The following STAT4 variants were observed in gnomAD, a reference collection of about 807,000 sequenced individuals.
STAT4 encodes signal transducer and activator of transcription 4.
In STAT4, 42 loss-of-function variants were observed where a neutral mutation model predicts 110.5. That is an observed-to-expected ratio of 0.38 (90% CI 0.30 to 0.49). The LOEUF (loss-of-function observed/expected upper bound fraction) is 0.49, where lower values mean the gene tolerates loss of function less well. Among genes scored for constraint, STAT4 ranks in the 20% least tolerant of loss-of-function variants. The probability of loss-of-function intolerance (pLI) is 0.95; values close to 1 mark genes in which losing one functional copy is unlikely to be tolerated. For synonymous variants in STAT4, 284 were observed against 302.2 expected, an observed-to-expected ratio of 0.94 and a Z score of 0.63; for missense variants, 632 against 887.9, an observed-to-expected ratio of 0.71 and a Z score of 3.66.
Position 191,032,891 on chromosome 2 carries a change from C to T in STAT4, c.2044+67G>A. 1 of 1,465,954 alleles carries T rather than the reference C, an allele frequency of 6.8e-7. No homozygotes were observed. The highest frequency in any genetic ancestry group is 1.3e-5 in the South Asian group (1 of 74,836). The allele number at this position is 1,465,954 out of a possible 1,614,324, so 90.8% of individuals were successfully genotyped here. On this transcript the variant is annotated intron_variant, in intron 21 of 23. Transcript: ENST00000392320. The surrounding 1 kb of genome is among the most constrained non-coding windows in gnomAD (Gnocchi z 4.9). ...AAGAAGGGGAACTTCATTTACTTTGCTCCAATATGAGGTTATTTTCCAAAA... is the reference window on the plus strand; with the variant it reads ...AAGAAGGGGAACTTCATTTACTTTGTTCCAATATGAGGTTATTTTCCAAAA...
At chr2:191,084,070 T>C (rs551229395) in intron 3 of STAT4, among the ~76,000 whole-genome samples, 41 of 152,134 alleles carry the variant, frequency 2.7e-4, no homozygotes, top group Admixed American at 5.9e-4. Flanking sequence ...GAGACCAGCC[T>C]GACCAACAAG....
chr2:191,040,944 A>G, intron 15 of STAT4, 121 bp downstream of exon 15: 2 of 608,918 alleles, frequency 3.3e-6, no homozygotes, highest in Non-Finnish European at 2.6e-6. Context: ...TTTCTAAATT[A>G]AAACAAAATA....
At chr2:191,034,504 A>G (rs781444658) in intron 18 of STAT4, 44 bp downstream of exon 18, 28 of 1,465,762 alleles carry the variant, frequency 1.9e-5, no homozygotes, top group Middle Eastern at 1.7e-4. Flanking sequence ...GGAACATTGT[A>G]TTAAAAAAAT....
At position 191,086,517 on chromosome 2, in the gene STAT4, A is replaced by G. The variant is rs527918001; in HGVS notation, c.274-10192T>C. Among the ~76,000 whole-genome samples, 1 of 152,234 alleles carries G rather than the reference A, an allele frequency of 6.6e-6. No homozygotes were observed. The highest frequency in any genetic ancestry group is 2.4e-5 in the African/African-American group (1 of 41,460). ...ACAAATAATCAGACCAAGTATAATT[A>G]AACTAAAACTTACTGTGCAAATAAA... On this transcript the variant is annotated intron_variant, in intron 3 of 23. Coordinates refer to ENST00000392320, the MANE Select transcript of STAT4 (RefSeq NM_003151.4). This position sits in a 1 kb window ranked among gnomAD's most constrained non-coding sequence, Gnocchi z 5.5.
At position 191,123,663 on chromosome 2, in the gene STAT4, C is replaced by T. The variant is rs147443054; in HGVS notation, c.273+22950G>A. Among the ~76,000 whole-genome samples, 448 of 152,298 alleles carry T rather than the reference C, an allele frequency of 2.9e-3. 10 individuals are homozygous for T. Among genetic ancestry groups the T allele is most frequent in the South Asian group, 0.028 (134 of 4,824 alleles). ...ACACTAGCCTCGAATTGGGCAAAATCGTCTAACACAAAACCTATTAGGTAA... is the reference window on the plus strand; with the variant it reads ...ACACTAGCCTCGAATTGGGCAAAATTGTCTAACACAAAACCTATTAGGTAA... On this transcript the variant is annotated intron_variant, in intron 3 of 23. Coordinates refer to ENST00000392320, the MANE Select transcript of STAT4 (RefSeq NM_003151.4).
intron 3 of STAT4, chr2:191,131,722 G>A (rs895814777): frequency 2.5e-6 from 3 of 1,220,304 alleles, no homozygotes; most frequent in Non-Finnish European, 3.1e-6. Flanking sequence ...AGAATTCTCC[G>A]ATGTTTTGTA....
At position 191,137,648 on chromosome 2, in the gene STAT4, T is replaced by G. The variant is rs1699214017; in HGVS notation, c.273+8965A>C. Among the ~76,000 whole-genome samples the G allele has an allele frequency of 2.0e-5, 3 of 152,296 alleles. No homozygotes were observed. In the South Asian group the frequency reaches 6.2e-4, roughly 32 times the overall value. On this transcript the variant is annotated intron_variant, in intron 3 of 23. Coordinates refer to ENST00000392320, the MANE Select transcript of STAT4 (RefSeq NM_003151.4). ...TAAGACTATAGTAACCAAAACAGCA[T>G]GTTACTGGTATAAAAACAGACACAT...
chr2:191,136,005 G>GAAAAAAAAAAAAAAAA (rs745380203), intron 3 of STAT4, among the ~76,000 whole-genome samples: 8 of 79,750 alleles, frequency 1.0e-4, no homozygotes, highest in African/African-American at 2.1e-4. Context: ...CAGCATCTCA[G>GAAAAAAAAAAAAAAAA]AAAAAAAAAA....
At chr2:191,101,295 T>C (rs1316064798) in intron 3 of STAT4, among the ~76,000 whole-genome samples, 1 of 152,202 alleles carries the variant, frequency 6.6e-6, no homozygotes, top group Non-Finnish European at 1.5e-5. Context: ...ATTATCTCTG[T>C]GTGCATTTTT....
In STAT4 at chr2:191,110,285, T is replaced by C. The variant is rs1031667195; in HGVS notation, c.274-33960A>G. Among the ~76,000 whole-genome samples the C allele has an allele frequency of 1.3e-5, 2 of 152,180 alleles. No homozygotes were observed. The highest frequency in any genetic ancestry group is 4.8e-5 in the African/African-American group (2 of 41,444). The stretch of plus-strand genomic sequence containing the variant: ...GGTTTCAGCTATGTGTCTGGCTCTG[T>C]GATCGGTGTTGGGAGGCATATGAAA... On this transcript the variant is annotated intron_variant, in intron 3 of 23. Transcript: ENST00000392320. This position sits in a 1 kb window ranked among gnomAD's most constrained non-coding sequence, Gnocchi z 4.5.
chr2:191,122,609 C>A (rs6759179), intron 3 of STAT4, among the ~76,000 whole-genome samples: 3,217 of 152,160 alleles, frequency 0.021, 97 homozygotes, highest in African/African-American at 0.066. Context: ...GTCTAAGTAT[C>A]CACCCACAGA....
At position 191,117,996 on chromosome 2, in the gene STAT4, C is replaced by A. The variant is rs916003249; in HGVS notation, c.273+28617G>T. ...ATCCTCCAAAGAGAACCAAATGCAA[C>A]AAACCAATGCTTCTATCAAAATAAA... is the stretch of plus-strand genomic sequence containing the variant. On this transcript the variant is annotated intron_variant, in intron 3 of 23. Coordinates refer to ENST00000392320, the MANE Select transcript of STAT4 (RefSeq NM_003151.4). This position sits in a 1 kb window ranked among gnomAD's most constrained non-coding sequence, Gnocchi z 5.2. 2.8e-4 allele frequency among the ~76,000 whole-genome samples: 42 copies of A among 152,256 alleles called. No individual in the cohort carries two copies. The highest frequency in any genetic ancestry group is 9.9e-4 in the African/African-American group (41 of 41,554).
chr2:191,039,285 G>A lies in STAT4; in HGVS notation c.1348C>T (p.Pro450Ser). The A allele has an allele frequency of 6.2e-7, 1 of 1,614,116 alleles. No homozygotes were observed. Among genetic ancestry groups the A allele is most frequent in the Non-Finnish European group, 8.5e-7 (1 of 1,179,986 alleles). The change falls in exon 16 of 24, where the codon CCT becomes TCT. Residue 450 changes from proline (P) to serine (S), a missense_variant. This residue lies in a region of STAT4 where 488 missense variants were observed against 632.8 expected (regional missense o/e 0.77). Transcript: ENST00000392320. The surrounding 1 kb of genome is among the most constrained non-coding windows in gnomAD (Gnocchi z 4.7). ...LTIDLETSSL[P>S]VVMISNVSQL... Reference sequence around the variant, plus strand: ...CTGACATTGGAAATCATCACCACAGGCAATGAGCTGGTCTGGTTTGGGGGG... The same window carrying A: ...CTGACATTGGAAATCATCACCACAGACAATGAGCTGGTCTGGTTTGGGGGG...
At chr2:191,085,850 A>G (rs1332607473) in intron 3 of STAT4, among the ~76,000 whole-genome samples, 1 of 152,186 alleles carries the variant, frequency 6.6e-6, no homozygotes, top group Non-Finnish European at 1.5e-5. Context: ...TAGAAAATTT[A>G]AATAATTTTA....
chr2:191,098,457 T>C (rs1475871930), intron 3 of STAT4, among the ~76,000 whole-genome samples: 1 of 152,166 alleles, frequency 6.6e-6, no homozygotes, highest in Non-Finnish European at 1.5e-5. Flanking sequence ...GTTCATGTCC[T>C]TTGCAGGGAC....
In STAT4 at chr2:191,061,542, C is replaced by T. The variant is rs1192183330; in HGVS notation, c.1034+187G>A. ...TTATGTCCTCATCTGCACTGTCATG[C>T]TCTTGACAAGCAGGGCTCTCATCTT... On this transcript the variant is annotated intron_variant, in intron 10 of 23. Coordinates refer to ENST00000392320, the MANE Select transcript of STAT4 (RefSeq NM_003151.4). This position sits in a 1 kb window ranked among gnomAD's most constrained non-coding sequence, Gnocchi z 6.2. Among the ~76,000 whole-genome samples, 3 of 152,162 alleles carry T rather than the reference C, an allele frequency of 2.0e-5. No individual in the cohort carries two copies. Among genetic ancestry groups the T allele is most frequent in the African/African-American group, 7.2e-5 (3 of 41,424 alleles).
rs34675442 is a variant in STAT4 at position 191,091,799 on chromosome 2, G to A, written c.274-15474C>T. Among the ~76,000 whole-genome samples the A allele has an allele frequency of 0.068, 10,309 of 152,132 alleles. 422 individuals are homozygous for A. Among genetic ancestry groups the A allele is most frequent in the Middle Eastern group, 0.11 (31 of 294 alleles). ...AAGAACTGTTAAGTAACTTTAAGCCGGTATTCACTTTGACTCCAGAGTGTT... is the reference window on the plus strand; with the variant it reads ...AAGAACTGTTAAGTAACTTTAAGCCAGTATTCACTTTGACTCCAGAGTGTT... On this transcript the variant is annotated intron_variant, in intron 3 of 23. Coordinates refer to ENST00000392320, the MANE Select transcript of STAT4 (RefSeq NM_003151.4). This position sits in a 1 kb window ranked among gnomAD's most constrained non-coding sequence, Gnocchi z 5.4.
At chr2:191,078,524 T>C (rs888199054) in intron 3 of STAT4, among the ~76,000 whole-genome samples, 2 of 152,180 alleles carry the variant, frequency 1.3e-5, no homozygotes, top group African/African-American at 4.8e-5. Flanking sequence ...AAAAACATCT[T>C]ATGGAAAATT....
rs1480718362 is a variant in STAT4, at chr2:191,140,152, A to G, written c.273+6461T>C. 1.3e-5 allele frequency among the ~76,000 whole-genome samples: 2 copies of G among 152,240 alleles called. No homozygotes were observed. The highest frequency in any genetic ancestry group is 4.8e-5 in the African/African-American group (2 of 41,460). The stretch of plus-strand genomic sequence containing the variant: ...TGAAGCCATAAAAATTCTAGAACAT[A>G]ACATTGGAAAAATACTTCTAGGCAT... On this transcript the variant is annotated intron_variant, in intron 3 of 23. Coordinates refer to ENST00000392320, the MANE Select transcript of STAT4 (RefSeq NM_003151.4). This position sits in a 1 kb window ranked among gnomAD's most constrained non-coding sequence, Gnocchi z 4.4.
Sources: allele counts gnomAD v4.1 joint callset (sites outside exome capture counted in the v4.1 genomes callset), GRCh38; gene constraint gnomAD v4.1.1; regional missense constraint gnomAD v4.1.1; non-coding constraint Gnocchi (gnomAD v3.1); transcripts MANE v1.5; gene names NCBI Gene and HGNC (gene_info 2026-07-23, HGNC 2026-07-21).